CATSPERB: variants seen among roughly 807,000 people sequenced by gnomAD.
The protein encoded by CATSPERB is cation channel sperm-associated auxiliary subunit beta.
In CATSPERB, 93 loss-of-function variants were observed where a neutral mutation model predicts 128.3. The observed-to-expected ratio is 0.72, with a 90% CI of 0.61 to 0.86. The LOEUF (loss-of-function observed/expected upper bound fraction) is 0.86. Ranked by LOEUF, CATSPERB falls within the 40% of genes least tolerant of loss-of-function variation. The probability of loss-of-function intolerance (pLI) is 0.00; values close to 1 mark genes in which losing one functional copy is unlikely to be tolerated. For synonymous variants in CATSPERB, 381 were observed against 448.8 expected, an observed-to-expected ratio of 0.85 and a Z score of 1.91; for missense variants, 1,153 against 1,329.5, an observed-to-expected ratio of 0.87 and a Z score of 2.06.
intron 15 of CATSPERB, among the ~76,000 whole-genome samples, chr14:91,650,667 T>G (rs986520133): frequency 7.2e-6 from 1 of 139,256 alleles, no homozygotes; most frequent in Non-Finnish European, 1.5e-5. Flanking sequence ...TGGTTTCCTC[T>G]GTTCTTTCTG....
chr14:91,595,768 C>T (rs1338455720), intron 22 of CATSPERB, among the ~76,000 whole-genome samples: 1 of 152,162 alleles, frequency 6.6e-6, no homozygotes, highest in East Asian at 1.9e-4. Flanking sequence ...CCAATTGTGT[C>T]CTATTGCAAA....
At chr14:91,685,328 G>A (rs1304049386) in intron 10 of CATSPERB, among the ~76,000 whole-genome samples, 1 of 152,128 alleles carries the variant, frequency 6.6e-6, no homozygotes, top group Non-Finnish European at 1.5e-5. Flanking sequence ...GGTAGATATT[G>A]TTATGCTCAT....
chr14:91,581,692 G>C (rs188862187), intron 26 of CATSPERB, among the ~76,000 whole-genome samples: 1 of 152,368 alleles, frequency 6.6e-6, no homozygotes, highest in East Asian at 1.9e-4. Flanking sequence ...CTGGAGGACA[G>C]ATAGGATTAT....
chr14:91,659,419 G>A (rs1034653207), intron 15 of CATSPERB, among the ~76,000 whole-genome samples: 1 of 152,194 alleles, frequency 6.6e-6, no homozygotes, highest in Admixed American at 6.5e-5. Context: ...TGAAAGAGAT[G>A]AGAGCAGTGT....
At chr14:91,706,215 C>T (rs2139856044) in intron 6 of CATSPERB, among the ~76,000 whole-genome samples, 1 of 152,262 alleles carries the variant, frequency 6.6e-6, no homozygotes, top group South Asian at 2.1e-4. Flanking sequence ...CGTAGTGCAG[C>T]ACAAGGACAG....
intron 18 of CATSPERB, 85 bp downstream of exon 18, chr14:91,624,735 A>G: frequency 1.0e-6 from 1 of 997,918 alleles, no homozygotes; most frequent in Non-Finnish European, 1.4e-6. Flanking sequence ...CTATTGCTCT[A>G]TAAATAAGCA....
intron 21 of CATSPERB, among the ~76,000 whole-genome samples, chr14:91,609,305 G>A (rs752041460): frequency 2.0e-5 from 3 of 151,860 alleles, no homozygotes; most frequent in Non-Finnish European, 4.4e-5. Context: ...AGTATTACAC[G>A]ATGAAAAGTA....
At chr14:91,605,837 CT>C (rs1370245518) in intron 22 of CATSPERB, among the ~76,000 whole-genome samples, 2 of 152,182 alleles carry the variant, frequency 1.3e-5, no homozygotes, top group Non-Finnish European at 2.9e-5. Flanking sequence ...CACTCATACT[CT>C]GTTTTGTGTC....
At chr14:91,613,926 T>C (rs1893885237) in intron 20 of CATSPERB, among the ~76,000 whole-genome samples, 2 of 152,214 alleles carry the variant, frequency 1.3e-5, no homozygotes, top group East Asian at 3.8e-4. Flanking sequence ...GAAACATGCT[T>C]GCAAGTAACA....
chr14:91,587,318 G>A, intron 25 of CATSPERB, 42 bp from the exon 26 acceptor site: 1 of 1,440,546 alleles, frequency 6.9e-7, no homozygotes, highest in South Asian at 1.2e-5. Flanking sequence ...GCATCAACAT[G>A]TACATTCCTT....
chr14:91,666,901 C>T (rs1171857055), intron 14 of CATSPERB, among the ~76,000 whole-genome samples: 1 of 152,176 alleles, frequency 6.6e-6, no homozygotes, highest in African/African-American at 2.4e-5. Flanking sequence ...TTTATGCCGC[C>T]CGAGATGATC....
At chr14:91,627,381 T>G (rs1204352932) in intron 17 of CATSPERB, among the ~76,000 whole-genome samples, 2 of 152,218 alleles carry the variant, frequency 1.3e-5, no homozygotes, top group Admixed American at 6.5e-5. Flanking sequence ...GTTCTGTAAC[T>G]GAGACCCTGA....
intron 26 of CATSPERB, among the ~76,000 whole-genome samples, chr14:91,583,344 G>A (rs553163949): frequency 1.5e-4 from 11 of 75,414 alleles, no homozygotes; most frequent in South Asian, 1.5e-3. Flanking sequence ...GCATGTACCC[G>A]GGAGGCGGAA....
intron 5 of CATSPERB, among the ~76,000 whole-genome samples, chr14:91,711,772 A>G (rs1273020886): frequency 1.3e-5 from 2 of 152,186 alleles, no homozygotes; most frequent in African/African-American, 2.4e-5. Flanking sequence ...CAGCTTCAAA[A>G]TATGTAAATC....
At chr14:91,644,239 T>A (rs904009541) in intron 15 of CATSPERB, among the ~76,000 whole-genome samples, 3 of 116,224 alleles carry the variant, frequency 2.6e-5, no homozygotes, top group African/African-American at 9.8e-5. Flanking sequence ...ATGTGTGAAT[T>A]TGATCCTGTT....
chr14:91,615,799 A>G (rs1893924683), intron 20 of CATSPERB, among the ~76,000 whole-genome samples: 1 of 152,002 alleles, frequency 6.6e-6, no homozygotes, highest in African/African-American at 2.4e-5. Context: ...GATTTGAAAT[A>G]TTTTGGGTAA....
intron 15 of CATSPERB, among the ~76,000 whole-genome samples, chr14:91,639,687 G>T (rs951142327): frequency 5.9e-5 from 9 of 152,146 alleles, no homozygotes; most frequent in African/African-American, 2.2e-4. Context: ...GGCGTCCTGT[G>T]GTTCTCTCAT....
chr14:91,657,347 A>C (rs1285046889), intron 15 of CATSPERB, among the ~76,000 whole-genome samples: 1 of 152,072 alleles, frequency 6.6e-6, no homozygotes, highest in East Asian at 1.9e-4. Context: ...CTTTCTCCAC[A>C]CACAAAAATC....
At chr14:91,683,117 G>A (rs188003177) in intron 11 of CATSPERB, among the ~76,000 whole-genome samples, 4 of 152,194 alleles carry the variant, frequency 2.6e-5, no homozygotes, top group South Asian at 2.1e-4. Flanking sequence ...TGTCCTCTTC[G>A]GCTGCTGTGG....
Sources: allele counts gnomAD v4.1 joint callset (sites outside exome capture counted in the v4.1 genomes callset), GRCh38; gene constraint gnomAD v4.1.1; transcripts MANE v1.5; gene names NCBI Gene and HGNC (gene_info 2026-07-23, HGNC 2026-07-21).